Variants in DPYSL2 observed in about 807,000 individuals in gnomAD.
DPYSL2 encodes dihydropyrimidinase-related protein 2.
DPYSL2 carries 13 observed loss-of-function variants against 69.9 expected under a neutral mutation model. That is an observed-to-expected ratio of 0.19 (90% confidence interval 0.12 to 0.30). The LOEUF (loss-of-function observed/expected upper bound fraction) is 0.30. Ranked by LOEUF, DPYSL2 falls within the 10% of genes least tolerant of loss-of-function variation. The probability of loss-of-function intolerance (pLI) is 1.00; values close to 1 mark genes in which losing one functional copy is unlikely to be tolerated. For missense variants in DPYSL2, 587 were observed against 918.9 expected (o/e 0.64, Z 4.67); for synonymous variants, 326 against 359.1 (o/e 0.91, Z 1.04).
At chr8:26,536,130 G>C (rs111361261) in intron 1 of DPYSL2, among the ~76,000 whole-genome samples, 10,331 of 147,430 alleles carry the variant, frequency 0.07, 440 homozygotes, top group South Asian at 0.22. Context: ...TCTAGAGACA[G>C]AGTCTTGCTA....
Position 26,604,623 on chromosome 8 carries a change from A to G in DPYSL2, c.629-19520A>G, listed in dbSNP as rs186140061. Among the ~76,000 whole-genome samples the G allele has an allele frequency of 2.8e-3, 422 of 151,638 alleles. 1 individual carries two copies. Among genetic ancestry groups the G allele is most frequent in the African/African-American group, 9.3e-3 (386 of 41,344 alleles). Reference sequence around the variant, plus strand: ...GCCGATGAAAAGTTGGACGTTAGCTATCTTCATCTCAACCTACTCCCTGTC... The same window carrying G: ...GCCGATGAAAAGTTGGACGTTAGCTGTCTTCATCTCAACCTACTCCCTGTC... On this transcript the variant is annotated intron_variant, in intron 3 of 13. Coordinates refer to ENST00000521913, the MANE Select transcript of DPYSL2 (RefSeq NM_001197293.3).
chr8:26,558,248 T>G (rs1246670916), intron 1 of DPYSL2, among the ~76,000 whole-genome samples: 11 of 152,150 alleles, frequency 7.2e-5, no homozygotes, highest in Admixed American at 7.2e-4. Context: ...GACACTGGAA[T>G]ATTACTAGGT....
chr8:26,529,276 CATCTATCT>C (rs1554531947), intron 1 of DPYSL2, among the ~76,000 whole-genome samples: 22,658 of 134,670 alleles, frequency 0.17, 2,225 homozygotes, highest in East Asian at 0.25. Flanking sequence ...ATCTATCTAT[CATCTATCT>C]ATCTATCTAT....
rs1803037250 is a variant in DPYSL2, at chr8:26,641,233, A to T, written c.1127-2206A>T. ...GTGTGTCCAGGGATTTTCAGAGACTATCCAGCCATTCTTTATCTCCAAGTG... is the reference window on the plus strand; with the variant it reads ...GTGTGTCCAGGGATTTTCAGAGACTTTCCAGCCATTCTTTATCTCCAAGTG... On this transcript the variant is annotated intron_variant, in intron 8 of 13. Coordinates refer to ENST00000521913, the MANE Select transcript of DPYSL2 (RefSeq NM_001197293.3). The surrounding 1 kb of genome is among the most constrained non-coding windows in gnomAD (Gnocchi z 4.1). 6.6e-6 allele frequency among the ~76,000 whole-genome samples: 1 copy of T among 152,238 alleles called. No individual in the cohort carries two copies. The highest frequency in any genetic ancestry group is 6.5e-5 in the Admixed American group (1 of 15,290).
intron 1 of DPYSL2, among the ~76,000 whole-genome samples, chr8:26,546,207 GTGTT>G (rs781361960): frequency 6.6e-6 from 1 of 152,226 alleles, no homozygotes; most frequent in Non-Finnish European, 1.5e-5. Flanking sequence ...GATCTTGGAT[GTGTT>G]TGTTAGACTT....
intron 3 of DPYSL2, among the ~76,000 whole-genome samples, chr8:26,612,882 A>G (rs1802263912): frequency 1.3e-5 from 2 of 152,236 alleles, no homozygotes; most frequent in African/African-American, 4.8e-5. Context: ...TCTGCACAGC[A>G]GCAGGCAAGT....
Position 26,642,558 on chromosome 8 carries a change from G to T in DPYSL2, c.1127-881G>T, listed in dbSNP as rs753453914. ...GCAAACGTAAATCTAAGGTCCAATT[G>T]GGAGGCTCTGTTGGAATGAGCTGGC... On this transcript the variant is annotated intron_variant, in intron 8 of 13. Transcript: ENST00000521913. This position sits in a 1 kb window ranked among gnomAD's most constrained non-coding sequence, Gnocchi z 5.3. Among the ~76,000 whole-genome samples, 1 of 152,184 alleles carries T rather than the reference G, an allele frequency of 6.6e-6. No homozygotes were observed. Among genetic ancestry groups the T allele is most frequent in the Non-Finnish European group, 1.5e-5 (1 of 68,038 alleles).
chr8:26,634,743 C>T, intron 7 of DPYSL2, 37 bp from the exon 8 acceptor site: 1 of 1,612,096 alleles, frequency 6.2e-7, no homozygotes, highest in South Asian at 1.1e-5. Flanking sequence ...GTGGGGTGGG[C>T]TGAGCCACAT....
chr8:26,578,126 A>G, intron 1 of DPYSL2: 1 of 1,553,360 alleles, frequency 6.4e-7, no homozygotes, highest in South Asian at 1.2e-5. Flanking sequence ...AAGACCAGCG[A>G]AGCGGTTGCA....
rs533122584 is a variant in DPYSL2 at position 26,617,902 on chromosome 8, T to C, written c.629-6241T>C. On this transcript the variant is annotated intron_variant, in intron 3 of 13. Coordinates refer to ENST00000521913, the MANE Select transcript of DPYSL2 (RefSeq NM_001197293.3). The surrounding 1 kb of genome is among the most constrained non-coding windows in gnomAD (Gnocchi z 4.7). ...GTGGGTACCAGGTTTCTTTTTTGAG[T>C]CATGTTCTAAAATTAGATTATTGCA... Among the ~76,000 whole-genome samples, 9 of 152,214 alleles carry C rather than the reference T, an allele frequency of 5.9e-5. No individual in the cohort carries two copies. The highest frequency in any genetic ancestry group is 2.2e-4 in the African/African-American group (9 of 41,530).
intron 1 of DPYSL2, among the ~76,000 whole-genome samples, chr8:26,535,513 T>C (rs770920485): frequency 1.3e-5 from 2 of 152,082 alleles, no homozygotes; most frequent in Non-Finnish European, 2.9e-5. Flanking sequence ...CTGCTCTCAT[T>C]TGAAACTTGA....
At chr8:26,521,825 A>G (rs1030284084) in intron 1 of DPYSL2, among the ~76,000 whole-genome samples, 3 of 152,184 alleles carry the variant, frequency 2.0e-5, no homozygotes, top group African/African-American at 7.2e-5. Context: ...AATGTTTTCA[A>G]GGTTCATCTA....
rs1050541640 is a variant in DPYSL2 at position 26,655,914 on chromosome 8, C to G, written c.*208C>G. 6 of 457,768 alleles carry G rather than the reference C, an allele frequency of 1.3e-5. No individual in the cohort carries two copies. Among genetic ancestry groups the G allele is most frequent in the Non-Finnish European group, 3.9e-6 (1 of 256,234 alleles). 28.4% of individuals were successfully genotyped at this position (457,768 alleles called of 1,614,324 possible). The stretch of plus-strand genomic sequence containing the variant: ...TTACTGATTTTGCTCATCCACTTCC[C>G]TACACATCTATGGGTATCACACCCA... On this transcript the variant is annotated 3_prime_UTR_variant, in exon 14 of 14. Coordinates refer to ENST00000521913, the MANE Select transcript of DPYSL2 (RefSeq NM_001197293.3).
intron 1 of DPYSL2, among the ~76,000 whole-genome samples, chr8:26,549,061 T>G (rs1395927185): frequency 1.3e-5 from 2 of 151,790 alleles, no homozygotes; most frequent in Non-Finnish European, 2.9e-5. Flanking sequence ...TGGTGGCAGG[T>G]GCCTGTAATC....
intron 3 of DPYSL2, among the ~76,000 whole-genome samples, chr8:26,618,667 C>T (rs1802413640): frequency 6.9e-6 from 1 of 144,686 alleles, no homozygotes; most frequent in South Asian, 2.4e-4. Context: ...TGGCTGGGTG[C>T]GGTGGCTCAT....
chr8:26,519,087 A>C (rs1808342882), intron 1 of DPYSL2, among the ~76,000 whole-genome samples: 1 of 152,182 alleles, frequency 6.6e-6, no homozygotes, highest in Non-Finnish European at 1.5e-5. Flanking sequence ...CATATTGCAT[A>C]TGCAATGTTA....
rs758845817 is a variant in DPYSL2, at chr8:26,588,457, C to G, written c.628+4474C>G. Among the ~76,000 whole-genome samples the G allele has an allele frequency of 1.7e-4, 26 of 152,288 alleles. No individual in the cohort carries two copies. Among genetic ancestry groups the G allele is most frequent in the Non-Finnish European group, 3.4e-4 (23 of 68,010 alleles). On this transcript the variant is annotated intron_variant, in intron 3 of 13. Coordinates refer to ENST00000521913, the MANE Select transcript of DPYSL2 (RefSeq NM_001197293.3). This position sits in a 1 kb window ranked among gnomAD's most constrained non-coding sequence, Gnocchi z 5.4. ...TGACTTTCAGGGGTGCATGCCGGATCTGCACACTCTGGATCTCCAGGGCTT... is the reference window on the plus strand; with the variant it reads ...TGACTTTCAGGGGTGCATGCCGGATGTGCACACTCTGGATCTCCAGGGCTT...
In DPYSL2 at chr8:26,627,859, C is replaced by A; in HGVS notation, c.937-13C>A. ...ACTCTCCCTCACAGCCTGACTTTCT[C>A]TAAACATTGCAGGAGCAGCAGAGGA... On this transcript the variant is annotated splice_polypyrimidine_tract_variant and intron_variant, in intron 6 of 13. Transcript: ENST00000521913. This position sits in a 1 kb window ranked among gnomAD's most constrained non-coding sequence, Gnocchi z 6.9. The A allele has an allele frequency of 6.2e-7, 1 of 1,613,240 alleles. No homozygotes were observed. The highest frequency in any genetic ancestry group is 1.7e-5 in the Admixed American group (1 of 59,976).
intron 1 of DPYSL2, among the ~76,000 whole-genome samples, chr8:26,550,271 A>G (rs1800851702): frequency 6.6e-6 from 1 of 152,258 alleles, no homozygotes. Flanking sequence ...CAATGACCAG[A>G]AAAAGCTAAA....
Sources: gnomAD v4.1 joint callset for allele counts (sites outside exome capture counted in the v4.1 genomes callset) on GRCh38, gnomAD v4.1.1 for gene constraint, Gnocchi (gnomAD v3.1) non-coding constraint, MANE v1.5 for transcripts, NCBI Gene and HGNC (gene_info 2026-07-23, HGNC 2026-07-21) for gene names.